FHOD3: variants seen among roughly 807,000 people sequenced by gnomAD.
The protein encoded by FHOD3 is FH1/FH2 domain-containing protein 3.
Under a neutral mutation model 173.0 loss-of-function variants are expected in FHOD3, and 90 were observed. That is an observed-to-expected ratio of 0.52 (90% CI 0.44 to 0.62). FHOD3 has a LOEUF of 0.62. Among genes scored for constraint, FHOD3 ranks in the 20% least tolerant of loss-of-function variants. FHOD3 has a pLI of 0.00. For synonymous variants in FHOD3, 828 were observed against 823.0 expected (o/e 1.01, Z -0.10); for missense variants, 1,945 against 2,034.7 (o/e 0.96, Z 0.85).
intron 3 of FHOD3, among the ~76,000 whole-genome samples, chr18:36,469,189 A>G (rs893551893): frequency 2.6e-5 from 4 of 152,066 alleles, no homozygotes; most frequent in Non-Finnish European, 5.9e-5. Context: ...CCCCCATCCT[A>G]TCACCAGGTA....
chr18:36,745,479 A>G (rs759888785), intron 23 of FHOD3, among the ~76,000 whole-genome samples: 1 of 152,194 alleles, frequency 6.6e-6, no homozygotes, highest in Non-Finnish European at 1.5e-5. Context: ...CACACCAGAC[A>G]CGACACTGCG....
intron 27 of FHOD3, among the ~76,000 whole-genome samples, chr18:36,762,948 T>C (rs559268913): frequency 6.9e-6 from 1 of 145,798 alleles, no homozygotes; most frequent in African/African-American, 2.5e-5. Context: ...ATATAATATG[T>C]GTATTATATA....
At position 36,662,618 on chromosome 18, in the gene FHOD3, T is replaced by C. The variant is rs1190106018; in HGVS notation, c.1835+4430T>C. Among the ~76,000 whole-genome samples, 3 of 152,320 alleles carry C rather than the reference T, an allele frequency of 2.0e-5. No individual in the cohort carries two copies. In the East Asian group the frequency reaches 5.8e-4, roughly 29 times the overall value. On this transcript the variant is annotated intron_variant, in intron 14 of 28. Coordinates refer to ENST00000590592, the MANE Select transcript of FHOD3 (RefSeq NM_001281740.3). ...AGAGTTCTTCCTACTTCCTGTAAGA[T>C]TATAAACCCAGATATAAGTAACAAC...
chr18:36,680,872 G>A (rs1316181624), intron 14 of FHOD3, among the ~76,000 whole-genome samples: 1 of 152,152 alleles, frequency 6.6e-6, no homozygotes, highest in Non-Finnish European at 1.5e-5. Flanking sequence ...CTGATATATA[G>A]TAAAATATTT....
chr18:36,484,807 A>AT (rs2054110521), intron 3 of FHOD3, among the ~76,000 whole-genome samples: 1 of 152,070 alleles, frequency 6.6e-6, no homozygotes. Context: ...TACTGAGGAC[A>AT]TTTTCCATGC....
At chr18:36,422,018 T>G (rs1464092268) in intron 3 of FHOD3, among the ~76,000 whole-genome samples, 1 of 152,210 alleles carries the variant, frequency 6.6e-6, no homozygotes, top group Admixed American at 6.5e-5. Context: ...ATATTTAATT[T>G]TTTTGAAAAG....
chr18:36,749,406 A>G (rs1302109137), intron 24 of FHOD3, among the ~76,000 whole-genome samples: 1 of 152,088 alleles, frequency 6.6e-6, no homozygotes, highest in African/African-American at 2.4e-5. Flanking sequence ...TTTAGCTCCC[A>G]TTTATAAATG....
At chr18:36,374,884 TA>T (rs1885265278) in intron 3 of FHOD3, among the ~76,000 whole-genome samples, 1 of 152,264 alleles carries the variant, frequency 6.6e-6, no homozygotes. Context: ...TTTTCTGCTT[TA>T]ATCAGCTTTT....
chr18:36,486,787 C>G (rs1017124125), intron 3 of FHOD3, among the ~76,000 whole-genome samples: 1 of 152,162 alleles, frequency 6.6e-6, no homozygotes, highest in Non-Finnish European at 1.5e-5. Flanking sequence ...CCCATAGTTT[C>G]CTTCATGTAT....
At chr18:36,485,711 G>A (rs970418183) in intron 3 of FHOD3, among the ~76,000 whole-genome samples, 1 of 152,178 alleles carries the variant, frequency 6.6e-6, no homozygotes, top group Non-Finnish European at 1.5e-5. Context: ...GGACAACATC[G>A]TGTTGGTTGA....
intron 3 of FHOD3, among the ~76,000 whole-genome samples, chr18:36,497,449 G>A (rs1308541682): frequency 6.6e-6 from 1 of 152,032 alleles, no homozygotes; most frequent in Non-Finnish European, 1.5e-5. Context: ...AGAAGACAAT[G>A]GTCAGATTGC....
intron 5 of FHOD3, among the ~76,000 whole-genome samples, chr18:36,517,164 T>C (rs1471631889): frequency 1.3e-5 from 2 of 152,226 alleles, no homozygotes; most frequent in African/African-American, 4.8e-5. Context: ...TGACTTATTA[T>C]TCCTGGGTGG....
At chr18:36,536,565 G>A (rs1469707494) in intron 5 of FHOD3, among the ~76,000 whole-genome samples, 2 of 152,220 alleles carry the variant, frequency 1.3e-5, no homozygotes, top group Non-Finnish European at 2.9e-5. Flanking sequence ...TGCTGGCTCT[G>A]CACATGTGCA....
intron 7 of FHOD3, among the ~76,000 whole-genome samples, chr18:36,597,311 G>A (rs2030610480): frequency 1.3e-5 from 2 of 152,090 alleles, no homozygotes; most frequent in African/African-American, 4.8e-5. Flanking sequence ...GTCAGACCAA[G>A]TCTCTCCATC....
Position 36,355,626 on chromosome 18 carries a change from G to A in FHOD3, c.253G>A (p.Gly85Ser). 1 of 1,614,134 alleles carries A rather than the reference G, an allele frequency of 6.2e-7. No individual in the cohort carries two copies. Among genetic ancestry groups the A allele is most frequent in the Non-Finnish European group, 8.5e-7 (1 of 1,179,986 alleles). ...TLAEQRDELE[G>S]FQDDAGRGKK... Reference sequence around the variant, plus strand: ...GGCAGAGCAGCGGGATGAGTTGGAAGGCTTCCAGGATGACGCCGGGTAAGA... The same window carrying A: ...GGCAGAGCAGCGGGATGAGTTGGAAAGCTTCCAGGATGACGCCGGGTAAGA... The change falls in exon 2 of 29, where the codon GGC becomes AGC. Residue 85 changes from glycine to serine, a missense_variant. Transcript: ENST00000590592.
At chr18:36,462,222 G>A (rs574739897) in intron 3 of FHOD3, among the ~76,000 whole-genome samples, 2 of 152,260 alleles carry the variant, frequency 1.3e-5, no homozygotes, top group African/African-American at 4.8e-5. Flanking sequence ...AGACATCCTT[G>A]TGGCTTTGGT....
intron 3 of FHOD3, among the ~76,000 whole-genome samples, chr18:36,425,222 G>C (rs1347567075): frequency 6.6e-6 from 1 of 152,032 alleles, no homozygotes; most frequent in Admixed American, 6.6e-5. Flanking sequence ...ATCTCTTATT[G>C]TGCCCGACTT....
At chr18:36,742,136 G>A (rs1350705418) in intron 21 of FHOD3, among the ~76,000 whole-genome samples, 2 of 152,156 alleles carry the variant, frequency 1.3e-5, no homozygotes, top group African/African-American at 4.8e-5. Flanking sequence ...CAAGACAAAG[G>A]AGTGGGGGCC....
intron 14 of FHOD3, among the ~76,000 whole-genome samples, chr18:36,672,741 C>T (rs556315412): frequency 1.9e-4 from 29 of 152,284 alleles, no homozygotes; most frequent in African/African-American, 6.3e-4. Context: ...AGAAACTGTG[C>T]GTCTGCTAAA....
Sources: allele counts gnomAD v4.1 joint callset (sites outside exome capture counted in the v4.1 genomes callset), GRCh38; gene constraint gnomAD v4.1.1; transcripts MANE v1.5; gene names NCBI Gene and HGNC (gene_info 2026-07-23, HGNC 2026-07-21).